ENPP1: variants seen among roughly 807,000 people sequenced by gnomAD.
The protein encoded by ENPP1 is ectonucleotide pyrophosphatase/phosphodiesterase family member 1.
A neutral mutation model predicts 122.8 loss-of-function variants in ENPP1; 73 were observed. The observed-to-expected ratio is 0.59, with a 90% confidence interval of 0.49 to 0.72. The LOEUF (loss-of-function observed/expected upper bound fraction) is 0.72, where lower values mean the gene tolerates loss of function less well. ENPP1 is among the 30% of genes least tolerant of loss of function. ENPP1 has a pLI of 0.00. For missense variants in ENPP1, 978 were observed against 1,128.1 expected (o/e 0.87, Z 1.91); for synonymous variants, 367 against 391.6 (o/e 0.94, Z 0.74).
intron 1 of ENPP1, chr6:131,827,605 G>A (rs182605698): frequency 1.7e-6 from 1 of 595,666 alleles, no homozygotes; most frequent in African/African-American, 1.9e-5. Context: ...CATAAGTTAT[G>A]ATGAGCACAA....
At chr6:131,849,016 G>A (rs1484250863) in intron 2 of ENPP1, among the ~76,000 whole-genome samples, 1 of 152,018 alleles carries the variant, frequency 6.6e-6, no homozygotes, top group Non-Finnish European at 1.5e-5. Flanking sequence ...GTTGTTGGAT[G>A]TCCCTTATTT....
rs778484141 is a variant in ENPP1, at chr6:131,847,822, G to C, written c.287G>C (p.Gly96Ala). 3 of 1,609,886 alleles carry C rather than the reference G, an allele frequency of 1.9e-6. No individual in the cohort carries two copies. ...ACAACAATACTTGGTTGTATATTTGGGTTGAAACCAAGCTGTGCCAAAGAA... is the reference window on the plus strand; with the variant it reads ...ACAACAATACTTGGTTGTATATTTGCGTTGAAACCAAGCTGTGCCAAAGAA... ...VLTTILGCIF[G>A]LKPSCAKEVK... Residue 96 changes from glycine (G) to alanine (A), a missense_variant, in exon 2 of 25, where the codon GGG becomes GCG. Gly to Ala is a moderately conservative substitution (Grantham distance 60, BLOSUM62 0). This residue lies in a region of ENPP1 where 330 missense variants were observed against 328.5 expected (regional missense o/e 1.00). Transcript: ENST00000647893.
At chr6:131,861,803 T>TA in intron 9 of ENPP1, 99 bp downstream of exon 9, 3 of 744,826 alleles carry the variant, frequency 4.0e-6, no homozygotes, top group Non-Finnish European at 4.8e-6. Flanking sequence ...ATTTGAGTGA[T>TA]ATGTTGGCTG....
intron 1 of ENPP1, among the ~76,000 whole-genome samples, chr6:131,830,889 T>C (rs1027692096): frequency 2.0e-5 from 3 of 151,896 alleles, no homozygotes; most frequent in Non-Finnish European, 2.9e-5. Flanking sequence ...GGTGGGTGGA[T>C]TGCTTGAGCT....
chr6:131,833,196 T>C (rs115335208), intron 1 of ENPP1, among the ~76,000 whole-genome samples: 118 of 152,324 alleles, frequency 7.7e-4, no homozygotes, highest in African/African-American at 2.8e-3. Context: ...AGAATCTATT[T>C]CTCCTTATGT....
In ENPP1 at chr6:131,813,823, G is replaced by A. The variant is rs112329330; in HGVS notation, c.240+5548G>A. On this transcript the variant is annotated intron_variant, in intron 1 of 24. Transcript: ENST00000647893. ...GTTTCTCTGGGGTTTCCTTGGCAGA[G>A]AGTGGGTCCACTCAGTTGGTCGAGG... Among the ~76,000 whole-genome samples, 348 of 152,280 alleles carry A rather than the reference G, an allele frequency of 2.3e-3. 1 individual carries two copies. Among genetic ancestry groups the A allele is most frequent in the Admixed American group, 4.4e-3 (68 of 15,306 alleles).
At chr6:131,808,870 G>T (rs76233990) in intron 1 of ENPP1, among the ~76,000 whole-genome samples, 2,277 of 152,264 alleles carry the variant, frequency 0.015, 68 homozygotes, top group African/African-American at 0.052. Context: ...CTTCTAACCA[G>T]AGGCTACACG....
At position 131,883,738 on chromosome 6, in the gene ENPP1, A is replaced by G; in HGVS notation, c.2275A>G (p.Thr759Ala). The change falls in exon 22 of 25, where the codon ACT becomes GCT. Residue 759 changes from threonine (T) to alanine (A), a missense_variant. Physicochemically the swap from Thr to Ala is moderately conservative, Grantham distance 58. Around this residue, in one of 3 missense-constraint regions of ENPP1, gnomAD observed 644 missense variants for 781.5 expected, o/e 0.82. Coordinates refer to ENST00000647893, the MANE Select transcript of ENPP1 (RefSeq NM_006208.3). ...TGGAATATATTCTGAAGCTTTGCTT[A>G]CTACAAATATAGTGCCAATGTACCA... is the stretch of plus-strand genomic sequence containing the variant. ...SSGIYSEALL[T>A]TNIVPMYQSF... The G allele has an allele frequency of 6.5e-7, 1 of 1,530,566 alleles. No homozygotes were observed. The highest frequency in any genetic ancestry group is 1.4e-5 in the African/African-American group (1 of 73,318). 94.8% of individuals were successfully genotyped at this position (1,530,566 alleles called of 1,614,324 possible). A position where few individuals can be genotyped will look rare whatever the true frequency, so the allele number is the denominator to read the frequency against.
At chr6:131,827,875 A>G (rs1264145564) in intron 1 of ENPP1, 11 of 1,405,226 alleles carry the variant, frequency 7.8e-6, no homozygotes, top group Non-Finnish European at 1.0e-5. Context: ...GGAGAGTTTC[A>G]GAGGCCTCAC....
At chr6:131,827,421 A>G (rs1781558883) in intron 1 of ENPP1, 9 of 703,082 alleles carry the variant, frequency 1.3e-5, no homozygotes, top group Non-Finnish European at 2.1e-5. Flanking sequence ...CATCCACCAC[A>G]GCCTGTAGGA....
chr6:131,854,945 C>G lies in ENPP1; in HGVS notation c.637C>G (p.Leu213Val), dbSNP rs1781926797. Residue 213 changes from leucine to valine, a missense_variant, in exon 6 of 25, where the codon CTC (leucine) becomes GTC (valine). By Grantham distance (32) the Leu-to-Val change is conservative. Around this residue, in one of 3 missense-constraint regions of ENPP1, gnomAD observed 330 missense variants for 328.5 expected, o/e 1.00. Coordinates refer to ENST00000647893, the MANE Select transcript of ENPP1 (RefSeq NM_006208.3). ...ACCCAGGTTTGAAACGCCTCCTACC[C>G]TCTTATTTTCTTTGGATGGATTCAG... ...CPAGFETPPT[L>V]LFSLDGFRAE... The G allele has an allele frequency of 6.2e-7, 1 of 1,613,378 alleles. No individual in the cohort carries two copies. Among genetic ancestry groups the G allele is most frequent in the African/African-American group, 1.3e-5 (1 of 74,852 alleles).
At chr6:131,810,400 G>A (rs1053808228) in intron 1 of ENPP1, among the ~76,000 whole-genome samples, 6 of 151,792 alleles carry the variant, frequency 4.0e-5, no homozygotes, top group African/African-American at 1.5e-4. Flanking sequence ...GTGCAAACTC[G>A]TATTCTTCTT....
chr6:131,865,166 G>C (rs1002765656), intron 11 of ENPP1, among the ~76,000 whole-genome samples: 6 of 152,190 alleles, frequency 3.9e-5, no homozygotes, highest in Non-Finnish European at 1.5e-5. Context: ...TGATCAATTA[G>C]CTTCTATATT....
intron 18 of ENPP1, chr6:131,877,867 A>AAAAAAAAAAAAAAATATG (rs1782254095): frequency 3.3e-5 from 1 of 30,668 alleles, no homozygotes; most frequent in Non-Finnish European, 5.6e-5. Flanking sequence ...AAAAAAAAAA[A>AAAAAAAAAAAAAAATATG]TATATATATA....
Position 131,872,813 on chromosome 6 carries a change from A to G in ENPP1, c.1438-110A>G, listed in dbSNP as rs74401203. 4.8e-3 allele frequency: 5,301 copies of G among 1,107,212 alleles called. 132 individuals are homozygous for G. In the African/African-American group the frequency reaches 0.049, roughly 10 times the overall value. 68.6% of individuals were successfully genotyped at this position (1,107,212 alleles called of 1,614,324 possible). A position where few individuals can be genotyped will look rare whatever the true frequency, so the allele number is the denominator to read the frequency against. On this transcript the variant is annotated intron_variant, in intron 14 of 24. Coordinates refer to ENST00000647893, the MANE Select transcript of ENPP1 (RefSeq NM_006208.3). ...ATTTCAAGAAAAGTTGACACTTTTT[A>G]TAGATATTAGGGAAATATCTTTCCC...
rs757759048 is a variant in ENPP1, at chr6:131,887,725, A to ATT, written c.2607+1021_2607+1022dup. Among the ~76,000 whole-genome samples, 22 of 114,886 alleles carry ATT rather than the reference A, an allele frequency of 1.9e-4. 1 individual carries two copies. The highest frequency in any genetic ancestry group is 5.9e-4 in the African/African-American group (16 of 27,252). 75.4% of individuals were successfully genotyped at this position (114,886 alleles called of 152,430 possible). A position where few individuals can be genotyped will look rare whatever the true frequency, so the allele number is the denominator to read the frequency against. On this transcript the variant is annotated intron_variant, in intron 24 of 24. Transcript: ENST00000647893. ...AGGCGCCCGCCACCACACCCGGCTAATTTTTTTTTTTTTTTTTTTTTAGTA... is the reference window on the plus strand; with the variant it reads ...AGGCGCCCGCCACCACACCCGGCTAATTTTTTTTTTTTTTTTTTTTTTTAGTA...
chr6:131,830,592 G>A (rs1781598878), intron 1 of ENPP1, among the ~76,000 whole-genome samples: 1 of 152,136 alleles, frequency 6.6e-6, no homozygotes, highest in Admixed American at 6.5e-5. Context: ...AGTTCAGTTT[G>A]CCTTTTTAAC....
chr6:131,852,069 C>T (rs1781889564), intron 4 of ENPP1, 106 bp from the exon 5 acceptor site: 18 of 737,442 alleles, frequency 2.4e-5, no homozygotes. Context: ...ATCTATCAAT[C>T]TGTTCACATA....
chr6:131,859,449 G>A (rs1348610946), intron 7 of ENPP1, among the ~76,000 whole-genome samples: 2 of 151,056 alleles, frequency 1.3e-5, no homozygotes, highest in East Asian at 2.0e-4. Context: ...GTGGTGGTGC[G>A]ATCTCGGCTC....
Sources: gnomAD v4.1 joint callset for allele counts (sites outside exome capture counted in the v4.1 genomes callset) on GRCh38, gnomAD v4.1.1 for gene constraint, gnomAD v4.1.1 regional missense constraint, MANE v1.5 for transcripts, NCBI Gene and HGNC (gene_info 2026-07-23, HGNC 2026-07-21) for gene names.